The following CDH13 variants were observed in gnomAD, a reference collection of about 807,000 sequenced individuals.
CDH13 encodes the protein cadherin 13, also known as cadherin-13.
CDH13 carries 24 observed loss-of-function variants against 63.8 expected under a neutral mutation model. That is an observed-to-expected ratio of 0.38 (90% CI 0.27 to 0.53). The LOEUF (loss-of-function observed/expected upper bound fraction) is 0.53. Ranked by LOEUF, CDH13 falls within the 20% of genes least tolerant of loss-of-function variation. The pLI, the probability that CDH13 is intolerant of heterozygous loss-of-function variation, is 0.85. For synonymous variants in CDH13, 503 were observed against 355.3 expected, an observed-to-expected ratio of 1.42 and a Z score of -4.67; for missense variants, 1,049 against 903.1, an observed-to-expected ratio of 1.16 and a Z score of -2.07.
At chr16:82,831,860 A>C (rs1332890753) in intron 1 of CDH13, among the ~76,000 whole-genome samples, 3 of 152,208 alleles carry the variant, frequency 2.0e-5, no homozygotes, top group African/African-American at 7.2e-5. Context: ...ATGACTTTCC[A>C]GGAAACAACC....
intron 8 of CDH13, among the ~76,000 whole-genome samples, chr16:83,607,572 C>T (rs909759704): frequency 6.6e-6 from 1 of 152,158 alleles, no homozygotes; most frequent in Non-Finnish European, 1.5e-5. Context: ...CTGAACGCTT[C>T]CTGAAGATAA....
chr16:82,629,827 G>C (rs1907793831), intron 1 of CDH13, among the ~76,000 whole-genome samples: 1 of 152,214 alleles, frequency 6.6e-6, no homozygotes, highest in Admixed American at 6.5e-5. Flanking sequence ...TCTGGAATTT[G>C]CCTATGATAA....
intron 2 of CDH13, among the ~76,000 whole-genome samples, chr16:82,937,863 C>T (rs996479165): frequency 1.3e-5 from 2 of 152,080 alleles, no homozygotes; most frequent in African/African-American, 2.4e-5. Context: ...TTCTAAACAG[C>T]TGATTAAAGT....
rs1424631341 is a variant in CDH13, at chr16:82,842,119, TATATATATATATATATATACAC to T, written c.46-16223_46-16202del. ...ATATATATATATATATATGTATATA[TATATATATATATATATATACAC>T]ATATATATATATATATATATATACA... is the stretch of plus-strand genomic sequence containing the variant. On this transcript the variant is annotated intron_variant, in intron 1 of 13. Transcript: ENST00000567109. 2.2e-3 allele frequency among the ~76,000 whole-genome samples: 103 copies of T among 46,462 alleles called. 2 individuals carry two copies. The highest frequency in any genetic ancestry group is 2.9e-3 in the African/African-American group (40 of 13,790). 30.5% of individuals were successfully genotyped at this position (46,462 alleles called of 152,430 possible). A position where few individuals can be genotyped will look rare whatever the true frequency, so the allele number is the denominator to read the frequency against.
At chr16:83,648,354 C>A (rs544292706) in intron 8 of CDH13, among the ~76,000 whole-genome samples, 1 of 152,144 alleles carries the variant, frequency 6.6e-6, no homozygotes, top group Non-Finnish European at 1.5e-5. Context: ...TTTGATTCAA[C>A]GCAAGTTTGT....
intron 10 of CDH13, among the ~76,000 whole-genome samples, chr16:83,682,330 C>G (rs1301055959): frequency 6.6e-6 from 1 of 152,142 alleles, no homozygotes; most frequent in African/African-American, 2.4e-5. Flanking sequence ...TACTAGGAAG[C>G]TGTTCTGGGT....
Position 83,032,083 on chromosome 16 carries a change from C to G in CDH13, c.231C>G (p.Ser77Arg), listed in dbSNP as rs541772361. 6.2e-7 allele frequency: 1 copy of G among 1,612,204 alleles called. No individual in the cohort carries two copies. The change falls in exon 3 of 14, where the codon AGC (serine) becomes AGG (arginine). Residue 77 changes from serine (S) to arginine (R), a missense_variant. Ser to Arg is a moderately radical substitution (Grantham distance 110, BLOSUM62 -1). Transcript: ENST00000567109. ...CGAGCCCATACTTCAAGGTGAACAG[C>G]GATGGCGGCTTAGTTGCTCTGAGAA... ...EVSSPYFKVN[S>R]DGGLVALRNI...
intron 7 of CDH13, among the ~76,000 whole-genome samples, chr16:83,581,120 AAGG>A (rs780884736): frequency 1.1e-4 from 16 of 152,178 alleles, no homozygotes; most frequent in Non-Finnish European, 2.2e-4. Flanking sequence ...GCTGGCATGG[AAGG>A]AGAAGATCTT....
intron 5 of CDH13, among the ~76,000 whole-genome samples, chr16:83,232,803 C>T (rs760311512): frequency 1.3e-5 from 2 of 152,116 alleles, no homozygotes; most frequent in Non-Finnish European, 2.9e-5. Context: ...AACAACCTAA[C>T]ACAAACCCTC....
At chr16:83,585,692 C>T (rs970904003) in intron 7 of CDH13, among the ~76,000 whole-genome samples, 2 of 151,652 alleles carry the variant, frequency 1.3e-5, no homozygotes, top group African/African-American at 2.4e-5. Context: ...ATTAGAGACT[C>T]GGTGGAGATT....
chr16:83,649,116 GC>G (rs1912120781), intron 8 of CDH13, among the ~76,000 whole-genome samples: 1 of 152,108 alleles, frequency 6.6e-6, no homozygotes, highest in Non-Finnish European at 1.5e-5. Context: ...CAGCCTCCTC[GC>G]CCCCCATTCC....
chr16:83,051,740 C>G (rs570814868), intron 3 of CDH13, among the ~76,000 whole-genome samples: 1 of 152,266 alleles, frequency 6.6e-6, no homozygotes, highest in Non-Finnish European at 1.5e-5. Context: ...TGCTACCATC[C>G]CTGTAACTCT....
intron 7 of CDH13, among the ~76,000 whole-genome samples, chr16:83,503,834 C>T (rs1261221098): frequency 1.3e-5 from 2 of 151,834 alleles, no homozygotes; most frequent in Non-Finnish European, 2.9e-5. Context: ...TTCTCCCATT[C>T]TATAGGTTGC....
Position 83,678,147 on chromosome 16 carries a change from T to C in CDH13, c.1285-61T>C. On this transcript the variant is annotated intron_variant, in intron 9 of 13. Coordinates refer to ENST00000567109, the MANE Select transcript of CDH13 (RefSeq NM_001257.5). ...CTCGTGGAATTTCAGAGGAAGTTGA[T>C]GCAAACCACCTGCCTTTTGTGGCTG... The C allele has an allele frequency of 3.2e-6, 5 of 1,553,498 alleles. No individual in the cohort carries two copies. The Admixed American group carries it at 7.1e-5, about 22-fold the overall frequency.
At chr16:83,273,690 G>C (rs998951608) in intron 5 of CDH13, among the ~76,000 whole-genome samples, 3 of 152,192 alleles carry the variant, frequency 2.0e-5, no homozygotes, top group Non-Finnish European at 4.4e-5. Context: ...AGGTTTTAAT[G>C]ACATAGGTTT....
chr16:82,646,533 G>C (rs144889945), intron 1 of CDH13, among the ~76,000 whole-genome samples: 84 of 152,308 alleles, frequency 5.5e-4, no homozygotes, highest in Middle Eastern at 3.4e-3. Flanking sequence ...TGCATGGTCT[G>C]TGAAAAGTGG....
chr16:82,776,552 T>G (rs992808063), intron 1 of CDH13, among the ~76,000 whole-genome samples: 1 of 152,228 alleles, frequency 6.6e-6, no homozygotes, highest in Non-Finnish European at 1.5e-5. Flanking sequence ...CCTGCAAATA[T>G]GAACCTTCTT....
intron 10 of CDH13, among the ~76,000 whole-genome samples, chr16:83,690,144 G>C (rs1435291913): frequency 2.6e-5 from 4 of 152,138 alleles, no homozygotes; most frequent in Non-Finnish European, 1.5e-5. Flanking sequence ...CTGCACTCCA[G>C]CCTAGGCAAC....
chr16:83,781,489 A>G lies in CDH13; in HGVS notation c.1915+1288A>G, dbSNP rs868561529. ...GCAAATGTATTGTACAATTGTGCATAACATTTTCTATTTAAAAATCTCATA... is the reference window on the plus strand; with the variant it reads ...GCAAATGTATTGTACAATTGTGCATGACATTTTCTATTTAAAAATCTCATA... On this transcript the variant is annotated intron_variant, in intron 12 of 13. Coordinates refer to ENST00000567109, the MANE Select transcript of CDH13 (RefSeq NM_001257.5). 2.6e-5 allele frequency among the ~76,000 whole-genome samples: 4 copies of G among 152,346 alleles called. No homozygotes were observed. In the Middle Eastern group the frequency reaches 0.014, roughly 518 times the overall value.
Sources: gnomAD v4.1 joint callset for allele counts (sites outside exome capture counted in the v4.1 genomes callset) on GRCh38, gnomAD v4.1.1 for gene constraint, MANE v1.5 for transcripts, NCBI Gene and HGNC (gene_info 2026-07-23, HGNC 2026-07-21) for gene names.